SVIL: variants seen among roughly 807,000 people sequenced by gnomAD.
The protein encoded by SVIL is supervillin.
SVIL carries 101 observed loss-of-function variants against 240.4 expected under a neutral mutation model. The ratio of observed to expected loss-of-function variants is 0.42; its 90% CI spans 0.36 to 0.50. The LOEUF (loss-of-function observed/expected upper bound fraction) is 0.50, where lower values mean the gene tolerates loss of function less well. Among genes scored for constraint, SVIL ranks in the 20% least tolerant of loss-of-function variants. SVIL has a pLI of 0.01. For synonymous variants in SVIL, 999 were observed against 1,100.0 expected (o/e 0.91, Z 1.82); for missense variants, 2,512 against 2,818.7 (o/e 0.89, Z 2.46).
chr10:29,602,095 A>C (rs1212418844), intron 1 of SVIL, among the ~76,000 whole-genome samples: 2 of 152,210 alleles, frequency 1.3e-5, no homozygotes, highest in African/African-American at 2.4e-5. Flanking sequence ...CTGGATTATT[A>C]GGTTATATTT....
At position 29,457,990 on chromosome 10, in the gene SVIL, G is replaced by T; in HGVS notation, c.*257C>A. 1 of 349,142 alleles carries T rather than the reference G, an allele frequency of 2.9e-6. No homozygotes were observed. Among genetic ancestry groups the T allele is most frequent in the Non-Finnish European group, 5.1e-6 (1 of 194,970 alleles). 21.6% of individuals were successfully genotyped at this position (349,142 alleles called of 1,614,324 possible). Reference sequence around the variant, plus strand: ...GGCAGTGCTATCTATAGCAGCTGCGGCTTAAGTGCACATAACAGATACTTT... The same window carrying T: ...GGCAGTGCTATCTATAGCAGCTGCGTCTTAAGTGCACATAACAGATACTTT... On this transcript the variant is annotated 3_prime_UTR_variant, in exon 38 of 38. Transcript: ENST00000355867.
At chr10:29,644,078 T>C in intron 3 of SVIL, 1 of 502,232 alleles carries the variant, frequency 2.0e-6, no homozygotes, top group Non-Finnish European at 4.0e-6. Context: ...TATCTAAAAA[T>C]ATGGGATTTC....
At chr10:29,623,713 A>C (rs184587172) in intron 1 of SVIL, among the ~76,000 whole-genome samples, 1 of 152,142 alleles carries the variant, frequency 6.6e-6, no homozygotes, top group African/African-American at 2.4e-5. Context: ...TTAGCCAGGC[A>C]TGGTGGCACG....
chr10:29,721,432 G>A (rs1244034407), intron 1 of SVIL, among the ~76,000 whole-genome samples: 1 of 151,562 alleles, frequency 6.6e-6, no homozygotes, highest in Non-Finnish European at 1.5e-5. Context: ...TTTCATATTG[G>A]GGAAAAAAGA....
intron 3 of SVIL, among the ~76,000 whole-genome samples, chr10:29,656,237 C>A (rs1368362639): frequency 6.6e-6 from 1 of 151,548 alleles, no homozygotes; most frequent in Non-Finnish European, 1.5e-5. Flanking sequence ...GCTTTCTCTG[C>A]ACAAGACATC....
chr10:29,693,951 A>G (rs1961717750), intron 1 of SVIL, among the ~76,000 whole-genome samples: 1 of 152,082 alleles, frequency 6.6e-6, no homozygotes, highest in Non-Finnish European at 1.5e-5. Context: ...ATACATACAT[A>G]CATACATACA....
In SVIL at chr10:29,589,576, G is replaced by A. The variant is rs540289589; in HGVS notation, c.-200-20264C>T. 1.5e-4 allele frequency among the ~76,000 whole-genome samples: 23 copies of A among 152,116 alleles called. No individual in the cohort carries two copies. In the South Asian group the frequency reaches 2.1e-3, roughly 14 times the overall value. Reference sequence around the variant, plus strand: ...ATTCCCCCTTTCCTCTTCAGCTGCCGGCTTTGGGGGCTGTTTGAGCCCTAA... The same window carrying A: ...ATTCCCCCTTTCCTCTTCAGCTGCCAGCTTTGGGGGCTGTTTGAGCCCTAA... On this transcript the variant is annotated intron_variant, in intron 1 of 37. Coordinates refer to ENST00000355867, the MANE Select transcript of SVIL (RefSeq NM_021738.3).
intron 1 of SVIL, among the ~76,000 whole-genome samples, chr10:29,585,786 A>G (rs1436807190): frequency 1.3e-5 from 2 of 152,212 alleles, no homozygotes; most frequent in Admixed American, 1.3e-4. Flanking sequence ...CGGGGTCCGG[A>G]GCAGTCAGGA....
intron 1 of SVIL, among the ~76,000 whole-genome samples, chr10:29,589,432 C>A (rs567878319): frequency 6.6e-6 from 1 of 152,292 alleles, no homozygotes; most frequent in African/African-American, 2.4e-5. Flanking sequence ...TTCACCAGTC[C>A]CCTTGCAAGT....
At chr10:29,601,335 G>A (rs1325489850) in intron 1 of SVIL, among the ~76,000 whole-genome samples, 1 of 152,194 alleles carries the variant, frequency 6.6e-6, no homozygotes, top group African/African-American at 2.4e-5. Context: ...CTTAAAATGT[G>A]CTCCTCTGTA....
intron 1 of SVIL, among the ~76,000 whole-genome samples, chr10:29,625,920 T>G (rs1957847809): frequency 6.6e-6 from 1 of 152,208 alleles, no homozygotes; most frequent in African/African-American, 2.4e-5. Context: ...GGGTCTTTTT[T>G]CAGCTTTGAG....
intron 7 of SVIL, among the ~76,000 whole-genome samples, chr10:29,534,084 C>T (rs1951572692): frequency 6.6e-6 from 1 of 152,206 alleles, no homozygotes; most frequent in Non-Finnish European, 1.5e-5. Flanking sequence ...GTCTGGGCAT[C>T]ATTATGAATA....
chr10:29,640,389 T>G (rs1432242652), intron 3 of SVIL, among the ~76,000 whole-genome samples: 2 of 152,126 alleles, frequency 1.3e-5, no homozygotes, highest in Non-Finnish European at 2.9e-5. Flanking sequence ...TTTCACTGAG[T>G]GTCCACCTCT....
At chr10:29,478,138 T>G (rs77279442) in intron 29 of SVIL, among the ~76,000 whole-genome samples, 14,439 of 152,224 alleles carry the variant, frequency 0.095, 859 homozygotes, top group Non-Finnish European at 0.13. Context: ...GGTTAAGAGA[T>G]CTGCCTGCCC....
chr10:29,669,016 G>A (rs1363718424), intron 2 of SVIL, among the ~76,000 whole-genome samples: 2 of 152,166 alleles, frequency 1.3e-5, no homozygotes, highest in Non-Finnish European at 2.9e-5. Flanking sequence ...TGTCTCTATG[G>A]AGCTCACATT....
intron 17 of SVIL, among the ~76,000 whole-genome samples, chr10:29,500,309 G>T (rs1157740806): frequency 6.6e-6 from 1 of 152,158 alleles, no homozygotes; most frequent in Non-Finnish European, 1.5e-5. Context: ...TGCACCGCAA[G>T]ACCCCTGTTT....
intron 3 of SVIL, among the ~76,000 whole-genome samples, chr10:29,555,807 C>T (rs12412499): frequency 0.12 from 17,884 of 148,752 alleles, 1,230 homozygotes; most frequent in Non-Finnish European, 0.15. Context: ...ACAGGGCCAT[C>T]GGCAAGCTAC....
intron 6 of SVIL, among the ~76,000 whole-genome samples, chr10:29,544,201 T>C (rs1952424109): frequency 6.6e-6 from 1 of 152,232 alleles, no homozygotes; most frequent in African/African-American, 2.4e-5. Context: ...GCTCTAATTA[T>C]ATAACAGCTT....
chr10:29,661,733 G>C (rs1413324566), intron 2 of SVIL, among the ~76,000 whole-genome samples: 2 of 152,242 alleles, frequency 1.3e-5, no homozygotes, highest in East Asian at 1.9e-4. Flanking sequence ...CCTGTGCTTT[G>C]ACAGATGGTG....
Sources: allele counts gnomAD v4.1 joint callset (sites outside exome capture counted in the v4.1 genomes callset), GRCh38; gene constraint gnomAD v4.1.1; transcripts MANE v1.5; gene names NCBI Gene and HGNC (gene_info 2026-07-23, HGNC 2026-07-21).